HYDIN: variants seen among roughly 807,000 people sequenced by gnomAD.
HYDIN encodes HYDIN axonemal central pair apparatus protein.
In HYDIN, 132 loss-of-function variants were observed where a neutral mutation model predicts 403.9. The ratio of observed to expected loss-of-function variants is 0.33; its 90% CI spans 0.28 to 0.38. HYDIN has a LOEUF of 0.38. HYDIN is among the 10% of genes least tolerant of loss of function. The pLI, the probability that HYDIN is intolerant of heterozygous loss-of-function variation, is 1.00. For missense variants in HYDIN, 2,827 were observed against 5,009.5 expected, an observed-to-expected ratio of 0.56 and a Z score of 13.15; for synonymous variants, 1,202 against 1,891.7, an observed-to-expected ratio of 0.64 and a Z score of 9.46.
intron 17 of HYDIN, among the ~76,000 whole-genome samples, chr16:71,061,916 G>A (rs11075851): frequency 6.6e-6 from 1 of 151,352 alleles, no homozygotes; most frequent in African/African-American, 2.4e-5. Context: ...GAGAGAGAGA[G>A]AAACTCCTGG....
intron 21 of HYDIN, among the ~76,000 whole-genome samples, chr16:71,023,243 G>A (rs536601644): frequency 8.0e-5 from 12 of 150,690 alleles, no homozygotes; most frequent in South Asian, 2.1e-4. Flanking sequence ...TGTTGGCTTC[G>A]GGTTTAGCTT....
intron 7 of HYDIN, among the ~76,000 whole-genome samples, chr16:71,143,705 T>A (rs2097778157): frequency 6.6e-6 from 1 of 152,276 alleles, no homozygotes; most frequent in Non-Finnish European, 1.5e-5. Flanking sequence ...TAGATATTAA[T>A]AGATTCAGAT....
At chr16:71,071,059 C>G (rs1470017127) in intron 13 of HYDIN, among the ~76,000 whole-genome samples, 1 of 150,932 alleles carries the variant, frequency 6.6e-6, no homozygotes, top group Non-Finnish European at 1.5e-5. Flanking sequence ...CTTTCCTGGA[C>G]TTACCAAATA....
chr16:70,809,401 A>G (rs1167878216), intron 85 of HYDIN, among the ~76,000 whole-genome samples: 1 of 152,208 alleles, frequency 6.6e-6, no homozygotes, highest in Non-Finnish European at 1.5e-5. Flanking sequence ...GCTTAAGCAA[A>G]TTATTCATAC....
At chr16:71,151,938 A>G (rs1259519841) in intron 7 of HYDIN, among the ~76,000 whole-genome samples, 1 of 152,238 alleles carries the variant, frequency 6.6e-6, no homozygotes, top group African/African-American at 2.4e-5. Context: ...GGATATTTGC[A>G]TGTTCTAAGG....
chr16:71,010,893 G>A (rs2080058997), intron 23 of HYDIN, among the ~76,000 whole-genome samples: 1 of 152,228 alleles, frequency 6.6e-6, no homozygotes, highest in Non-Finnish European at 1.5e-5. Flanking sequence ...GGAGTGACAG[G>A]TAGGGAGGGG....
At chr16:70,814,156 C>T (rs2035683032) in intron 84 of HYDIN, among the ~76,000 whole-genome samples, 1 of 152,134 alleles carries the variant, frequency 6.6e-6, no homozygotes, top group Non-Finnish European at 1.5e-5. Flanking sequence ...TTTGGTATCT[C>T]CCCAAATCTC....
At chr16:71,106,213 A>G (rs2144424249) in intron 10 of HYDIN, among the ~76,000 whole-genome samples, 2 of 151,430 alleles carry the variant, frequency 1.3e-5, no homozygotes, top group Non-Finnish European at 2.9e-5. Context: ...GTCACACACT[A>G]AGAACTTGCA....
chr16:71,041,276 AG>A (rs1156756597), intron 18 of HYDIN, among the ~76,000 whole-genome samples: 1 of 149,048 alleles, frequency 6.7e-6, no homozygotes, highest in South Asian at 2.2e-4. Flanking sequence ...CAACACTGCT[AG>A]GGGGTAGGAC....
chr16:71,191,603 T>G lies in HYDIN; in HGVS notation c.-23-4685A>C, dbSNP rs1156824013. Among the ~76,000 whole-genome samples the G allele has an allele frequency of 2.6e-5, 4 of 152,194 alleles. No individual in the cohort carries two copies. In the East Asian group the frequency reaches 7.7e-4, roughly 29 times the overall value. ...GAGAAAACCACACAGCAGCCTAGAC[T>G]CACAACCTTGCAAATTCAGTGTCTG... On this transcript the variant is annotated intron_variant, in intron 1 of 85. Coordinates refer to ENST00000393567, the MANE Select transcript of HYDIN (RefSeq NM_001270974.2).
intron 23 of HYDIN, among the ~76,000 whole-genome samples, chr16:71,000,217 T>C (rs564762802): frequency 1.2e-4 from 19 of 152,100 alleles, no homozygotes; most frequent in Admixed American, 2.0e-4. Context: ...TATGTACTGA[T>C]AGTTTCCGCT....
At chr16:71,078,992 T>C (rs1367101086) in intron 13 of HYDIN, among the ~76,000 whole-genome samples, 1 of 152,192 alleles carries the variant, frequency 6.6e-6, no homozygotes, top group African/African-American at 2.4e-5. Flanking sequence ...CACTAAGTAC[T>C]CACCAATGGG....
At position 70,863,141 on chromosome 16, in the gene HYDIN, C is replaced by G. The variant is rs936879028; in HGVS notation, c.11513G>C (p.Ser3838Thr). The change falls in exon 68 of 86, where the codon AGC becomes ACC. Residue 3838 changes from serine (S) to threonine (T), a missense_variant. Physicochemically the swap from Ser to Thr is moderately conservative, Grantham distance 58. Transcript: ENST00000393567. The part of the protein sequence containing the change: ...INSGRVQLEF[S>T]WVSEDTSKAV... ...CTTTGAGGTATCTTCTGAGACCCAG[C>G]TGAATTCCAGCTGGACACGTCCTGA... 8 of 1,613,998 alleles carry G rather than the reference C, an allele frequency of 5.0e-6. No homozygotes were observed. In the East Asian group the frequency reaches 6.7e-5, roughly 13 times the overall value.
intron 18 of HYDIN, among the ~76,000 whole-genome samples, chr16:71,038,104 AAAC>A (rs2081154915): frequency 6.6e-6 from 1 of 152,222 alleles, no homozygotes; most frequent in Non-Finnish European, 1.5e-5. Flanking sequence ...AGCAGCTCGT[AAAC>A]AACATGTACA....
At chr16:71,110,368 T>G (rs1192251292) in intron 10 of HYDIN, among the ~76,000 whole-genome samples, 1 of 139,340 alleles carries the variant, frequency 7.2e-6, no homozygotes, top group Non-Finnish European at 1.5e-5. Flanking sequence ...TATATTTATA[T>G]ATAAAATAAA....
chr16:70,879,436 T>G lies in HYDIN; in HGVS notation c.10418A>C (p.Asn3473Thr), dbSNP rs1597203790. 6.2e-7 allele frequency: 1 copy of G among 1,612,310 alleles called. No homozygotes were observed. The highest frequency in any genetic ancestry group is 1.3e-5 in the African/African-American group (1 of 74,896). The change falls in exon 62 of 86, where the codon AAC becomes ACC. Residue 3473 changes from asparagine to threonine, a missense_variant. Transcript: ENST00000393567. ...CCGCACAACCGTCACTCGAGGGAGG[T>G]TCCCCTCACCAGCGATGTCAAACAC... is the stretch of plus-strand genomic sequence containing the variant. ...GLVFDIAGEG[N>T]LPRVTVVRPV...
intron 17 of HYDIN, among the ~76,000 whole-genome samples, chr16:71,061,261 T>C (rs1456369194): frequency 1.3e-5 from 2 of 149,400 alleles, no homozygotes; most frequent in Admixed American, 6.7e-5. Flanking sequence ...GTGGGGGACC[T>C]GAACTGGTGG....
At chr16:70,897,203 C>G (rs2076229425) in intron 53 of HYDIN, among the ~76,000 whole-genome samples, 1 of 152,142 alleles carries the variant, frequency 6.6e-6, no homozygotes, top group Non-Finnish European at 1.5e-5. Flanking sequence ...CATGAACCAA[C>G]TGTTGCCTCT....
At chr16:71,141,706 A>G (rs1018372864) in intron 7 of HYDIN, among the ~76,000 whole-genome samples, 11 of 152,312 alleles carry the variant, frequency 7.2e-5, no homozygotes, top group African/African-American at 2.6e-4. Context: ...GAATTTTTGT[A>G]TACTTCTGAT....
Sources: allele counts gnomAD v4.1 joint callset (sites outside exome capture counted in the v4.1 genomes callset), GRCh38; gene constraint gnomAD v4.1.1; transcripts MANE v1.5; gene names NCBI Gene and HGNC (gene_info 2026-07-23, HGNC 2026-07-21).